Variants in NAV3 observed in about 807,000 individuals in gnomAD.
NAV3 encodes neuron navigator 3.
Under a neutral mutation model 244.7 loss-of-function variants are expected in NAV3, and 87 were observed. The observed-to-expected ratio is 0.36, with a 90% CI of 0.30 to 0.42. NAV3 has a LOEUF of 0.42. Ranked by LOEUF, NAV3 falls within the 20% of genes least tolerant of loss-of-function variation. The pLI, the probability that NAV3 is intolerant of heterozygous loss-of-function variation, is 1.00. For synonymous variants in NAV3, 1,126 were observed against 1,042.2 expected (o/e 1.08, Z -1.55); for missense variants, 2,663 against 2,893.3 (o/e 0.92, Z 1.83).
At chr12:77,908,639 A>T (rs74106586) in intron 1 of NAV3, among the ~76,000 whole-genome samples, 2,113 of 152,132 alleles carry the variant, frequency 0.014, 53 homozygotes, top group African/African-American at 0.048. Flanking sequence ...TTACTCATCT[A>T]AAAAGCACAT....
At chr12:78,177,366 A>T in intron 27 of NAV3, 53 bp downstream of exon 27, 2 of 1,563,462 alleles carry the variant, frequency 1.3e-6, no homozygotes, top group South Asian at 1.2e-5. Flanking sequence ...ACAATTTTAG[A>T]TGAAGGCCTT....
chr12:78,105,289 T>C (rs915845935), intron 12 of NAV3, among the ~76,000 whole-genome samples: 5 of 152,122 alleles, frequency 3.3e-5, no homozygotes, highest in African/African-American at 1.2e-4. Flanking sequence ...TCCATCTTCA[T>C]TATTTACTGT....
intron 12 of NAV3, among the ~76,000 whole-genome samples, chr12:78,061,402 T>A (rs901754853): frequency 1.1e-4 from 16 of 152,188 alleles, no homozygotes; most frequent in African/African-American, 3.9e-4. Flanking sequence ...TTAAATTAGA[T>A]CAAATAATGA....
intron 2 of NAV3, among the ~76,000 whole-genome samples, chr12:77,594,868 G>A (rs1475587425): frequency 6.6e-6 from 1 of 152,088 alleles, no homozygotes; most frequent in African/African-American, 2.4e-5. Flanking sequence ...ACCAATAACT[G>A]TAATACTTTT....
At chr12:77,693,690 T>C (rs1283108474) in intron 2 of NAV3, among the ~76,000 whole-genome samples, 1 of 152,112 alleles carries the variant, frequency 6.6e-6, no homozygotes, top group Non-Finnish European at 1.5e-5. Flanking sequence ...CTATGCCTGA[T>C]TGGCCTTGAG....
At chr12:78,073,217 T>C (rs1952869492) in intron 12 of NAV3, among the ~76,000 whole-genome samples, 2 of 133,604 alleles carry the variant, frequency 1.5e-5, no homozygotes, top group South Asian at 5.7e-4. Flanking sequence ...AAATAAAGGG[T>C]ATTCAATTAG....
intron 9 of NAV3, among the ~76,000 whole-genome samples, chr12:78,028,224 G>A (rs1878404959): frequency 6.6e-6 from 1 of 152,140 alleles, no homozygotes; most frequent in Admixed American, 6.6e-5. Flanking sequence ...GTGTCACGGT[G>A]TACACATGCC....
chr12:77,849,410 C>T (rs1877150585), intron 1 of NAV3, among the ~76,000 whole-genome samples: 1 of 151,974 alleles, frequency 6.6e-6, no homozygotes, highest in Non-Finnish European at 1.5e-5. Context: ...TATTTATAAT[C>T]CAAAAATTCA....
intron 2 of NAV3, among the ~76,000 whole-genome samples, chr12:77,662,326 C>T (rs1873499436): frequency 6.6e-6 from 1 of 151,640 alleles, no homozygotes; most frequent in African/African-American, 2.4e-5. Context: ...TCGGTTTATG[C>T]GTCTTACACT....
At chr12:77,682,386 C>T (rs1565769994) in intron 2 of NAV3, among the ~76,000 whole-genome samples, 1 of 151,980 alleles carries the variant, frequency 6.6e-6, no homozygotes, top group Non-Finnish European at 1.5e-5. Flanking sequence ...ATTACATTTT[C>T]TTTATTTGTT....
intron 1 of NAV3, among the ~76,000 whole-genome samples, chr12:77,848,612 C>T (rs1207114548): frequency 6.6e-6 from 1 of 152,202 alleles, no homozygotes; most frequent in African/African-American, 2.4e-5. Flanking sequence ...CACACAGGAA[C>T]TTTATCCTCC....
At chr12:77,761,023 T>C (rs1869435012) in intron 2 of NAV3, among the ~76,000 whole-genome samples, 1 of 152,188 alleles carries the variant, frequency 6.6e-6, no homozygotes, top group Admixed American at 6.5e-5. Flanking sequence ...TTTAAGGCCA[T>C]TCAGCAGCAT....
intron 1 of NAV3, among the ~76,000 whole-genome samples, chr12:77,833,239 A>G (rs775758460): frequency 2.0e-5 from 3 of 152,234 alleles, no homozygotes; most frequent in Non-Finnish European, 4.4e-5. Flanking sequence ...CAGGTCTCGT[A>G]TCTTATCCTG....
chr12:77,583,608 C>A (rs1475455549), intron 2 of NAV3, among the ~76,000 whole-genome samples: 1 of 152,130 alleles, frequency 6.6e-6, no homozygotes, highest in Admixed American at 6.5e-5. Flanking sequence ...ATTTCCGAAG[C>A]ACTTACCATT....
intron 1 of NAV3, among the ~76,000 whole-genome samples, chr12:77,913,392 A>G (rs1428896684): frequency 6.6e-6 from 1 of 152,098 alleles, no homozygotes. Flanking sequence ...TAATCCAGTC[A>G]TCATAGCTAA....
chr12:77,677,338 A>C (rs1874250405), intron 2 of NAV3, among the ~76,000 whole-genome samples: 1 of 152,238 alleles, frequency 6.6e-6, no homozygotes, highest in Non-Finnish European at 1.5e-5. Context: ...TAAATAGATG[A>C]AAAAATGGAA....
intron 12 of NAV3, among the ~76,000 whole-genome samples, chr12:78,064,269 G>A (rs1189904983): frequency 1.3e-5 from 2 of 152,126 alleles, no homozygotes; most frequent in Non-Finnish European, 2.9e-5. Context: ...GAGGCTAGAA[G>A]TTTATGATCA....
chr12:78,009,268 T>A (rs577142708), intron 8 of NAV3, among the ~76,000 whole-genome samples: 8 of 151,870 alleles, frequency 5.3e-5, no homozygotes, highest in African/African-American at 1.9e-4. Context: ...TGAGTTTCTG[T>A]TTGACCTCTT....
At chr12:77,751,379 C>T (rs1378356259) in intron 2 of NAV3, among the ~76,000 whole-genome samples, 1 of 152,118 alleles carries the variant, frequency 6.6e-6, no homozygotes, top group Admixed American at 6.6e-5. Flanking sequence ...TGTCCCTGCC[C>T]AAATCTCATT....
Sources: allele counts gnomAD v4.1 joint callset (sites outside exome capture counted in the v4.1 genomes callset), GRCh38; gene constraint gnomAD v4.1.1; transcripts MANE v1.5; gene names NCBI Gene and HGNC (gene_info 2026-07-23, HGNC 2026-07-21).